FAM221B: variants seen among roughly 807,000 people sequenced by gnomAD.
The protein encoded by FAM221B is family with sequence similarity 221 member B, also known as protein FAM221B.
FAM221B carries 35 observed loss-of-function variants against 39.8 expected under a neutral mutation model. That is an observed-to-expected ratio of 0.88 (90% CI 0.67 to 1.17). The LOEUF is 1.17. FAM221B is among the 50% of genes most tolerant of loss of function. The pLI is 0.00. For synonymous variants in FAM221B, 158 were observed against 178.1 expected (o/e 0.89, Z 0.90); for missense variants, 479 against 503.1 (o/e 0.95, Z 0.46).
chr9:35,822,162 T>C (rs888351563), intron 3 of FAM221B, among the ~76,000 whole-genome samples: 2 of 152,200 alleles, frequency 1.3e-5, no homozygotes, highest in South Asian at 2.1e-4. Context: ...GCACTTCAAA[T>C]GTCTTATGCC....
chr9:35,820,011 A>G lies in FAM221B; in HGVS notation c.743-11T>C, dbSNP rs1829115001. The stretch of plus-strand genomic sequence containing the variant: ...AGCCAATGTAGAGACCTAGGTATGC[A>G]GGATTAAAAGTGAGAAGTAAAAAAA... On this transcript the variant is annotated splice_polypyrimidine_tract_variant and intron_variant, in intron 3 of 6. Transcript: ENST00000423537. The G allele has an allele frequency of 6.3e-7, 1 of 1,595,920 alleles. No homozygotes were observed. Among genetic ancestry groups the G allele is most frequent in the Non-Finnish European group, 8.6e-7 (1 of 1,163,710 alleles).
intron 4 of FAM221B, 32 bp downstream of exon 4, chr9:35,819,858 C>T (rs1829108506): frequency 1.7e-5 from 26 of 1,498,216 alleles, no homozygotes; most frequent in Non-Finnish European, 2.1e-5. Context: ...TATTCCTCCA[C>T]ACTCGAGAGG....
At position 35,819,392 on chromosome 9, in the gene FAM221B, T is replaced by A; in HGVS notation, c.856A>T (p.Ile286Leu). 2 of 1,551,114 alleles carry A rather than the reference T, an allele frequency of 1.3e-6. No homozygotes were observed. The highest frequency in any genetic ancestry group is 2.4e-5 in the South Asian group (2 of 84,054). The change falls in exon 5 of 7, where the codon ATA (isoleucine) becomes TTA (leucine). Residue 286 changes from isoleucine to leucine, a missense_variant and splice_region_variant. Transcript: ENST00000423537. ...LLREHRIISDISVPCKVSQCR... is the reference protein window; with the variant it reads ...LLREHRIISDLSVPCKVSQCR... ...TGGCTTACCTTGCAGGGCACCGATA[T>A]GTCTGTGGGATTGGGGATGGATGGT...
chr9:35,819,449 T>G, intron 4 of FAM221B, 55 bp from the exon 5 acceptor site: 1 of 1,481,378 alleles, frequency 6.8e-7, no homozygotes, highest in South Asian at 1.3e-5. Context: ...TGCCTTCTCA[T>G]GCCAACCCCA....
intron 4 of FAM221B, among the ~76,000 whole-genome samples, 163 bp downstream of exon 4, chr9:35,819,727 C>T (rs973657390): frequency 4.6e-5 from 7 of 152,016 alleles, no homozygotes; most frequent in Admixed American, 3.9e-4. Flanking sequence ...AGGATGGTCT[C>T]GATCTCCTGA....
Position 35,818,475 on chromosome 9 carries a change from A to G in FAM221B, c.1203T>C (p.Pro401=), listed in dbSNP as rs1468919064. Residue 401 remains proline (P), a synonymous_variant, in exon 7 of 7, where the codon CCT becomes CCC. Transcript: ENST00000423537. The stretch of plus-strand genomic sequence containing the variant: ...TTGCTGATCTGGGCCAGACTCACAA[A>G]GGCCTGTGCCAGTTGCTGACAGTGT... The part of the protein sequence containing the change: ...GTDTVSNWHR[P]L 6.4e-7 allele frequency: 1 copy of G among 1,551,760 alleles called. No homozygotes were observed. Among genetic ancestry groups the G allele is most frequent in the East Asian group, 2.4e-5 (1 of 40,928 alleles).
intron 3 of FAM221B, 103 bp from the exon 4 acceptor site, chr9:35,820,103 CTCT>C: frequency 1.4e-6 from 1 of 690,020 alleles, no homozygotes; most frequent in Non-Finnish European, 2.5e-6. Context: ...GGGAACTTAC[CTCT>C]CCCCACCCCC....
Position 35,818,221 on chromosome 9 carries a change from T to A in FAM221B, c.*248A>T. On this transcript the variant is annotated 3_prime_UTR_variant, in exon 7 of 7. Transcript: ENST00000423537. ...ATTGGTGCCCCAACTGCATCTAACA[T>A]CACTTCCCACTCTATCCTTCTTGAA... is the stretch of plus-strand genomic sequence containing the variant. 1.8e-6 allele frequency: 1 copy of A among 542,042 alleles called. No homozygotes were observed. The highest frequency in any genetic ancestry group is 3.3e-6 in the Non-Finnish European group (1 of 300,880). The allele number at this position is 542,042 out of a possible 1,614,324, so 33.6% of individuals were successfully genotyped here. A position where few individuals can be genotyped will look rare whatever the true frequency, so the allele number is the denominator to read the frequency against.
At chr9:35,821,649 A>T (rs1184025903) in intron 3 of FAM221B, 1 of 1,363,418 alleles carries the variant, frequency 7.3e-7, no homozygotes, top group Non-Finnish European at 9.8e-7. Context: ...AGGATACATT[A>T]AAAAAGCAGG....
At chr9:35,819,455 C>T (rs916987050) in intron 4 of FAM221B, 61 bp from the exon 5 acceptor site, 48 of 1,440,716 alleles carry the variant, frequency 3.3e-5, no homozygotes, top group Non-Finnish European at 4.2e-5. Context: ...CTCATGCCAA[C>T]CCCATCCTCC....
chr9:35,825,272 A>G lies in FAM221B; in HGVS notation c.700T>C (p.Phe234Leu). Residue 234 changes from phenylalanine (F) to leucine (L), a missense_variant, in exon 3 of 7, where the codon TTC (phenylalanine) becomes CTC (leucine). Transcript: ENST00000423537. The surrounding 1 kb of genome is among the most constrained non-coding windows in gnomAD (Gnocchi z 4.2). The stretch of plus-strand genomic sequence containing the variant: ...AGGGCTGCATCCTTCTCCCACTGGA[A>G]AAGATTGTTCACTTGAGCACCAAAC... ...EEFGAQVNNL[F>L]QWEKDAALNA... The G allele has an allele frequency of 1.2e-6, 2 of 1,614,250 alleles. No individual in the cohort carries two copies. Among genetic ancestry groups the G allele is most frequent in the Non-Finnish European group, 1.7e-6 (2 of 1,180,038 alleles).
At chr9:35,823,671 C>G (rs550406841) in intron 3 of FAM221B, among the ~76,000 whole-genome samples, 9 of 152,052 alleles carry the variant, frequency 5.9e-5, no homozygotes, top group African/African-American at 2.2e-4. Flanking sequence ...GGACTGAACA[C>G]ATCCTGCATT....
chr9:35,818,536 G>T, intron 6 of FAM221B, 30 bp from the exon 7 acceptor site: 1 of 1,550,110 alleles, frequency 6.5e-7, no homozygotes, highest in Non-Finnish European at 8.7e-7. Context: ...AGGTGAAAGG[G>T]TCAGGTATGG....
At chr9:35,821,357 G>A (rs1829146410) in intron 3 of FAM221B, 2 of 1,033,712 alleles carry the variant, frequency 1.9e-6, no homozygotes, top group Admixed American at 4.2e-5. Flanking sequence ...TGAATAAGGA[G>A]AGTGGCATCA....
Position 35,825,566 on chromosome 9 carries a change from A to C in FAM221B, c.596T>G (p.Leu199Arg). 1 of 1,608,976 alleles carries C rather than the reference A, an allele frequency of 6.2e-7. No individual in the cohort carries two copies. Among genetic ancestry groups the C allele is most frequent in the Non-Finnish European group, 8.5e-7 (1 of 1,177,318 alleles). ...TCCTTTCTTCTTCTTCTTCTTGCCT[A>C]GTTGGTGTCCAGGTTGGGCTGTGTG... ...TAHTAQPGHQ[L>R]GNTARPVFPA... The change falls in exon 2 of 7, where the codon CTA becomes CGA. Residue 199 changes from leucine to arginine, a missense_variant and splice_region_variant. Physicochemically the swap from Leu to Arg is moderately radical, Grantham distance 102 (BLOSUM62 -2). Transcript: ENST00000423537. This position sits in a 1 kb window ranked among gnomAD's most constrained non-coding sequence, Gnocchi z 4.2.
Position 35,825,739 on chromosome 9 carries a change from C to T in FAM221B, c.423G>A (p.Arg141=), listed in dbSNP as rs1019701017. The change falls in exon 2 of 7, where the codon AGG becomes AGA. Residue 141 remains arginine (R), a synonymous_variant. Transcript: ENST00000423537. The surrounding 1 kb of genome is among the most constrained non-coding windows in gnomAD (Gnocchi z 4.2). ...ESSSNEVPWT[R]RSTHLSESES... ...CAGATTCAGAGAGATGGGTAGACCT[C>T]CTTGTCCATGGGACCTCATTGGAAG... The T allele has an allele frequency of 6.2e-7, 1 of 1,614,164 alleles. No individual in the cohort carries two copies. Among genetic ancestry groups the T allele is most frequent in the Non-Finnish European group, 8.5e-7 (1 of 1,180,024 alleles).
chr9:35,818,800 G>A, intron 6 of FAM221B, 90 bp downstream of exon 6: 1 of 1,520,962 alleles, frequency 6.6e-7, no homozygotes, highest in Non-Finnish European at 8.8e-7. Context: ...GCTAGTCCTG[G>A]AAGGGATGGT....
At chr9:35,824,873 G>GTATTTTCA (rs1829279415) in intron 3 of FAM221B, among the ~76,000 whole-genome samples, 1 of 152,036 alleles carries the variant, frequency 6.6e-6, no homozygotes, top group Non-Finnish European at 1.5e-5. Flanking sequence ...AGTAGAGACG[G>GTATTTTCA]GGTTTCATCG....
intron 1 of FAM221B, among the ~76,000 whole-genome samples, chr9:35,827,548 C>A (rs1829422520): frequency 6.6e-6 from 1 of 152,110 alleles, no homozygotes; most frequent in South Asian, 2.1e-4. Flanking sequence ...GGGGGATATA[C>A]CTAATTTATC....
Sources: gnomAD v4.1 joint callset for allele counts (sites outside exome capture counted in the v4.1 genomes callset) on GRCh38, gnomAD v4.1.1 for gene constraint, Gnocchi (gnomAD v3.1) non-coding constraint, MANE v1.5 for transcripts, NCBI Gene and HGNC (gene_info 2026-07-23, HGNC 2026-07-21) for gene names.